Variants in EVC2 observed in about 807,000 individuals in gnomAD.
The protein encoded by EVC2 is limbin.
In EVC2, 148 loss-of-function variants were observed where a neutral mutation model predicts 149.3. The ratio of observed to expected loss-of-function variants is 0.99; its 90% CI spans 0.87 to 1.14. The LOEUF (loss-of-function observed/expected upper bound fraction) is 1.14. EVC2 is among the 50% of genes most tolerant of loss of function. The pLI is 0.00. For synonymous variants in EVC2, 776 were observed against 649.9 expected (o/e 1.19, Z -2.95); for missense variants, 1,854 against 1,627.3 (o/e 1.14, Z -2.40).
At chr4:5,654,547 A>G (rs917804275) in intron 9 of EVC2, among the ~76,000 whole-genome samples, 7 of 152,230 alleles carry the variant, frequency 4.6e-5, no homozygotes, top group African/African-American at 1.4e-4. Context: ...GGTTTCCTCC[A>G]ATCTTTGGTG....
chr4:5,590,639 G>A (rs1056177708), intron 16 of EVC2, among the ~76,000 whole-genome samples: 1 of 152,118 alleles, frequency 6.6e-6, no homozygotes, highest in Non-Finnish European at 1.5e-5. Context: ...GAGTGGTTCA[G>A]GACAGTCTAT....
chr4:5,539,957 G>A (rs1290556228), downstream of EVC2, among the ~76,000 whole-genome samples: 2 of 152,152 alleles, frequency 1.3e-5, no homozygotes, highest in African/African-American at 2.4e-5. Flanking sequence ...CAGAATTGGA[G>A]AAAATATTCC....
chr4:5,702,178 T>C (rs1362232539), intron 1 of EVC2, among the ~76,000 whole-genome samples: 1 of 152,118 alleles, frequency 6.6e-6, no homozygotes, highest in Non-Finnish European at 1.5e-5. Flanking sequence ...CATTCGGGGA[T>C]CCGCTCAGCT....
At chr4:5,549,450 G>T (rs1423270679) in intron 21 of EVC2, among the ~76,000 whole-genome samples, 1 of 152,214 alleles carries the variant, frequency 6.6e-6, no homozygotes, top group Non-Finnish European at 1.5e-5. Flanking sequence ...GCCCACATGT[G>T]CATCTCCCAT....
At chr4:5,654,657 A>G (rs1406133742) in intron 9 of EVC2, among the ~76,000 whole-genome samples, 2 of 152,304 alleles carry the variant, frequency 1.3e-5, no homozygotes, top group Non-Finnish European at 2.9e-5. Flanking sequence ...TGGAGTGAGG[A>G]GAATCCTATG....
Position 5,640,490 on chromosome 4 carries a change from G to T in EVC2, c.1470+24C>A. 1 of 1,612,460 alleles carries T rather than the reference G, an allele frequency of 6.2e-7. No homozygotes were observed. Among genetic ancestry groups the T allele is most frequent in the Non-Finnish European group, 8.5e-7 (1 of 1,178,600 alleles). On this transcript the variant is annotated intron_variant, in intron 10 of 21. Coordinates refer to ENST00000344408, the MANE Select transcript of EVC2 (RefSeq NM_147127.5). The surrounding 1 kb of genome is among the most constrained non-coding windows in gnomAD (Gnocchi z 4.6). Reference sequence around the variant, plus strand: ...ATCCCTGAGAGAAAGGGAAGTGAACGCCTTCCTTTCAGACCTGTCTTACCC... The same window carrying T: ...ATCCCTGAGAGAAAGGGAAGTGAACTCCTTCCTTTCAGACCTGTCTTACCC...
At chr4:5,619,711 T>C (rs749833664) in intron 14 of EVC2, among the ~76,000 whole-genome samples, 1 of 152,178 alleles carries the variant, frequency 6.6e-6, no homozygotes, top group Admixed American at 6.5e-5. Flanking sequence ...GAACAGTCCC[T>C]CTTCCTTTCC....
intron 9 of EVC2, among the ~76,000 whole-genome samples, chr4:5,662,700 AAAT>A (rs1287007539): frequency 1.0e-4 from 15 of 147,248 alleles, no homozygotes; most frequent in Admixed American, 9.6e-4. Context: ...ATAATTATTA[AAAT>A]AATAATTATT....
intron 1 of EVC2, among the ~76,000 whole-genome samples, chr4:5,700,112 T>G (rs917401990): frequency 6.6e-6 from 1 of 152,034 alleles, no homozygotes; most frequent in African/African-American, 2.4e-5. Context: ...TGCACTCAGG[T>G]ATGGGTGACA....
intron 13 of EVC2, among the ~76,000 whole-genome samples, chr4:5,624,995 G>A (rs566245606): frequency 1.1e-4 from 17 of 152,024 alleles, no homozygotes; most frequent in South Asian, 2.1e-4. Flanking sequence ...GCTCGCACCC[G>A]GCCAAGTACC....
In EVC2 at chr4:5,562,540, A is replaced by C. The variant is rs2108764532; in HGVS notation, c.*308T>G. 2.3e-6 allele frequency: 3 copies of C among 1,293,876 alleles called. No individual in the cohort carries two copies. The highest frequency in any genetic ancestry group is 3.0e-6 in the Non-Finnish European group (3 of 1,014,670). The allele number at this position is 1,293,876 out of a possible 1,614,324, so 80.1% of individuals were successfully genotyped here. A position where few individuals can be genotyped will look rare whatever the true frequency, so the allele number is the denominator to read the frequency against. Reference sequence around the variant, plus strand: ...AGAGAATCTGGCTGTCACCACACAGACCATAGCTTCTGCAGCAGAGGATGG... The same window carrying C: ...AGAGAATCTGGCTGTCACCACACAGCCCATAGCTTCTGCAGCAGAGGATGG... On this transcript the variant is annotated 3_prime_UTR_variant, in exon 22 of 22. Transcript: ENST00000344408. The surrounding 1 kb of genome is among the most constrained non-coding windows in gnomAD (Gnocchi z 4.3).
chr4:5,636,291 T>C lies in EVC2; in HGVS notation c.1470+4223A>G, dbSNP rs1164438090. Among the ~76,000 whole-genome samples, 3 of 152,336 alleles carry C rather than the reference T, an allele frequency of 2.0e-5. No homozygotes were observed. The highest frequency in any genetic ancestry group is 3.9e-4 in the East Asian group (2 of 5,176). Reference sequence around the variant, plus strand: ...ATGCTTTGAGAACTATAAGGCATTATATACGCATTTAAATATTATAGTATG... The same window carrying C: ...ATGCTTTGAGAACTATAAGGCATTACATACGCATTTAAATATTATAGTATG... On this transcript the variant is annotated intron_variant, in intron 10 of 21. Transcript: ENST00000344408. This position sits in a 1 kb window ranked among gnomAD's most constrained non-coding sequence, Gnocchi z 4.6.
At position 5,640,780 on chromosome 4, in the gene EVC2, T is replaced by C; in HGVS notation, c.1204A>G (p.Ile402Val). 1.2e-6 allele frequency: 2 copies of C among 1,614,192 alleles called. No individual in the cohort carries two copies. The highest frequency in any genetic ancestry group is 1.7e-6 in the Non-Finnish European group (2 of 1,180,024). ...AGAAGGGCAATGATATCCTTGCTGA[T>C]TTGTGTTCGACAAGCCTCCAGATCT... ...DADLEACRTQ[I>V]SKDIIALLLK... is the part of the protein sequence containing the mutation. The change falls in exon 10 of 22, where the codon ATC (isoleucine) becomes GTC (valine). Residue 402 changes from isoleucine to valine, a missense_variant. Physicochemically the swap from Ile to Val is conservative, Grantham distance 29. Transcript: ENST00000344408. The surrounding 1 kb of genome is among the most constrained non-coding windows in gnomAD (Gnocchi z 4.6).
chr4:5,652,385 C>A (rs981128279), intron 9 of EVC2, among the ~76,000 whole-genome samples: 1 of 152,204 alleles, frequency 6.6e-6, no homozygotes, highest in South Asian at 2.1e-4. Flanking sequence ...TAAGGACAGA[C>A]GCACCCTCCG....
intron 4 of EVC2, among the ~76,000 whole-genome samples, chr4:5,689,570 G>C (rs1018629255): frequency 2.6e-5 from 4 of 152,204 alleles, no homozygotes; most frequent in Admixed American, 1.3e-4. Flanking sequence ...CAAAGAAACT[G>C]AGATGCTGAA....
At chr4:5,543,047 A>G (rs1721545247) in exon 22 of EVC2, 2 of 922,180 alleles carry the variant, frequency 2.2e-6, no homozygotes, top group South Asian at 1.4e-5. Context: ...CTGACTTACT[A>G]TTACGCAAAC....
intron 16 of EVC2, among the ~76,000 whole-genome samples, chr4:5,594,136 G>A (rs936595483): frequency 6.6e-6 from 1 of 152,152 alleles, no homozygotes; most frequent in African/African-American, 2.4e-5. Context: ...TCCACCTCTG[G>A]GGGCAGGGCA....
chr4:5,660,323 T>C (rs981730775), intron 9 of EVC2, among the ~76,000 whole-genome samples: 3 of 152,146 alleles, frequency 2.0e-5, no homozygotes, highest in African/African-American at 4.8e-5. Flanking sequence ...GGAGCACCCA[T>C]TCAAAACAGA....
At chr4:5,539,039 A>G (rs112799682), downstream of EVC2, among the ~76,000 whole-genome samples, 2 of 152,306 alleles carry the variant, frequency 1.3e-5, no homozygotes, top group Admixed American at 6.5e-5. Context: ...ATGGTTGTCT[A>G]AATAGAAAAC....
Sources: gnomAD v4.1 joint callset for allele counts (sites outside exome capture counted in the v4.1 genomes callset) on GRCh38, gnomAD v4.1.1 for gene constraint, Gnocchi (gnomAD v3.1) non-coding constraint, MANE v1.5 for transcripts, NCBI Gene and HGNC (gene_info 2026-07-23, HGNC 2026-07-21) for gene names.